Variants in SMYD3 observed in about 807,000 individuals in gnomAD.
The protein encoded by SMYD3 is histone-lysine N-methyltransferase SMYD3.
SMYD3 carries 36 observed loss-of-function variants against 57.7 expected under a neutral mutation model. The observed-to-expected ratio is 0.62, with a 90% confidence interval of 0.48 to 0.82. The LOEUF (loss-of-function observed/expected upper bound fraction) is 0.82. SMYD3 is among the 40% of genes least tolerant of loss of function. SMYD3 has a pLI of 0.00. For synonymous variants in SMYD3, 211 were observed against 195.0 expected (o/e 1.08, Z -0.68); for missense variants, 515 against 538.8 (o/e 0.96, Z 0.44).
chr1:246,499,412 AC>A (rs2068422624), intron 1 of SMYD3, among the ~76,000 whole-genome samples: 3 of 151,492 alleles, frequency 2.0e-5, no homozygotes, highest in Non-Finnish European at 4.4e-5. Context: ...ACACACACAC[AC>A]ACACACACAC....
intron 1 of SMYD3, among the ~76,000 whole-genome samples, chr1:246,411,860 T>G (rs4654109): frequency 0.43 from 59,821 of 140,308 alleles, 13,841 homozygotes; most frequent in Admixed American, 0.52. Context: ...AGCATTAGGA[T>G]ATATACCTAA....
chr1:246,143,093 T>A (rs1392127048), intron 5 of SMYD3, among the ~76,000 whole-genome samples: 1 of 151,694 alleles, frequency 6.6e-6, no homozygotes, highest in Admixed American at 6.6e-5. Flanking sequence ...GATTACATTA[T>A]CTTTTTTAAT....
intron 5 of SMYD3, among the ~76,000 whole-genome samples, chr1:246,300,621 C>G (rs868049822): frequency 4.1e-4 from 63 of 152,194 alleles, no homozygotes; most frequent in Middle Eastern, 6.8e-3. Flanking sequence ...TTACAGACAC[C>G]TAGGTTAAGG....
intron 1 of SMYD3, chr1:246,483,764 C>G (rs780303857): frequency 3.9e-5 from 6 of 152,202 alleles, no homozygotes; most frequent in Non-Finnish European, 7.3e-5. Context: ...TCTTTCTCCT[C>G]TCTCATCCTC....
chr1:246,371,849 T>C (rs893202240), intron 1 of SMYD3, among the ~76,000 whole-genome samples: 3 of 152,140 alleles, frequency 2.0e-5, no homozygotes, highest in African/African-American at 7.2e-5. Flanking sequence ...TGGAGTCGTT[T>C]GTTCATTTAA....
intron 5 of SMYD3, among the ~76,000 whole-genome samples, chr1:246,091,753 G>C (rs74154363): frequency 0.033 from 5,062 of 152,314 alleles, 107 homozygotes; most frequent in South Asian, 0.046. Context: ...ATATAGTGCC[G>C]ACAGGTATGA....
At chr1:246,081,073 C>T (rs1428297038) in intron 5 of SMYD3, among the ~76,000 whole-genome samples, 1 of 152,132 alleles carries the variant, frequency 6.6e-6, no homozygotes, top group African/African-American at 2.4e-5. Flanking sequence ...ACAATGCAAC[C>T]CACTGAAAGG....
intron 5 of SMYD3, among the ~76,000 whole-genome samples, chr1:246,253,885 G>C (rs1446254572): frequency 2.0e-5 from 3 of 152,096 alleles, no homozygotes; most frequent in Admixed American, 6.5e-5. Flanking sequence ...CTGCTGGATC[G>C]AATGGTAGTT....
intron 5 of SMYD3, among the ~76,000 whole-genome samples, chr1:246,187,429 T>C (rs10924534): frequency 0.25 from 38,674 of 151,998 alleles, 6,080 homozygotes; most frequent in African/African-American, 0.43. Flanking sequence ...ACACAAGACA[T>C]AGACATGAAG....
intron 1 of SMYD3, among the ~76,000 whole-genome samples, chr1:246,383,060 G>T (rs905132216): frequency 2.6e-5 from 4 of 152,014 alleles, no homozygotes; most frequent in Non-Finnish European, 5.9e-5. Context: ...GTGGGCCCAG[G>T]CTCCAGACCC....
intron 5 of SMYD3, among the ~76,000 whole-genome samples, chr1:246,018,754 C>T (rs970577365): frequency 2.0e-5 from 3 of 150,536 alleles, no homozygotes; most frequent in Non-Finnish European, 4.4e-5. Flanking sequence ...CACAGGTGTG[C>T]ACCACCATGC....
chr1:245,918,350 G>A (rs973025873), intron 7 of SMYD3, among the ~76,000 whole-genome samples: 1 of 152,164 alleles, frequency 6.6e-6, no homozygotes, highest in African/African-American at 2.4e-5. Flanking sequence ...ACTTTTACAT[G>A]GCTGCTTCTC....
intron 7 of SMYD3, among the ~76,000 whole-genome samples, chr1:245,916,240 T>C (rs2055409055): frequency 6.6e-6 from 1 of 152,192 alleles, no homozygotes; most frequent in Non-Finnish European, 1.5e-5. Context: ...GCATTCAAAC[T>C]GACTGCCTTA....
chr1:245,906,823 G>A (rs2054595284), intron 8 of SMYD3, among the ~76,000 whole-genome samples: 1 of 152,160 alleles, frequency 6.6e-6, no homozygotes, highest in East Asian at 1.9e-4. Context: ...AAAAAAATGA[G>A]ATCCAGTCAT....
intron 1 of SMYD3, among the ~76,000 whole-genome samples, chr1:246,394,129 G>A (rs963099694): frequency 3.9e-5 from 6 of 152,102 alleles, no homozygotes; most frequent in African/African-American, 1.4e-4. Flanking sequence ...ATACTAGTAG[G>A]ACAATCATGT....
chr1:246,432,995 A>T (rs1211810924), intron 1 of SMYD3, among the ~76,000 whole-genome samples: 3 of 152,228 alleles, frequency 2.0e-5, no homozygotes. Context: ...AGAGGAAGAA[A>T]TAAAAGGCAT....
intron 1 of SMYD3, among the ~76,000 whole-genome samples, chr1:246,357,516 G>A (rs1327904844): frequency 1.3e-5 from 2 of 152,176 alleles, no homozygotes; most frequent in African/African-American, 4.8e-5. Flanking sequence ...GCTCTATGGA[G>A]TAGCCATTCT....
chr1:245,758,913 T>C (rs1235628670), intron 11 of SMYD3, among the ~76,000 whole-genome samples: 3 of 152,206 alleles, frequency 2.0e-5, no homozygotes, highest in Admixed American at 2.0e-4. Context: ...TATTCTGTTA[T>C]GAGACTCTGA....
chr1:245,882,374 T>C (rs2052831341), intron 8 of SMYD3, among the ~76,000 whole-genome samples: 1 of 152,148 alleles, frequency 6.6e-6, no homozygotes, highest in African/African-American at 2.4e-5. Context: ...CCATATATCT[T>C]ATGTATTCGC....
Sources: allele counts gnomAD v4.1 joint callset (sites outside exome capture counted in the v4.1 genomes callset), GRCh38; gene constraint gnomAD v4.1.1; transcripts MANE v1.5; gene names NCBI Gene and HGNC (gene_info 2026-07-23, HGNC 2026-07-21).